Variants in IDO2 observed in about 807,000 individuals in gnomAD.
The protein encoded by IDO2 is indoleamine 2,3-dioxygenase-like 1 protein.
A neutral mutation model predicts 45.1 loss-of-function variants in IDO2; 46 were observed. The observed-to-expected ratio is 1.02, with a 90% CI of 0.80 to 1.30. The LOEUF (loss-of-function observed/expected upper bound fraction) is 1.30, where lower values mean the gene tolerates loss of function less well. Ranked by LOEUF, IDO2 falls within the 50% of genes most tolerant of loss-of-function variation. IDO2 has a pLI of 0.00. For synonymous variants in IDO2, 218 were observed against 184.9 expected (o/e 1.18, Z -1.45); for missense variants, 544 against 491.8 (o/e 1.11, Z -1.00).
chr8:40,003,172 C>T (rs1385872510), intron 8 of IDO2, among the ~76,000 whole-genome samples: 1 of 151,974 alleles, frequency 6.6e-6, no homozygotes, highest in African/African-American at 2.4e-5. Flanking sequence ...GAGTTTGAGA[C>T]GAGCCTGGCC....
chr8:40,005,684 T>TA (rs1802210474), intron 9 of IDO2, among the ~76,000 whole-genome samples: 1 of 152,196 alleles, frequency 6.6e-6, no homozygotes, highest in Non-Finnish European at 1.5e-5. Flanking sequence ...TTCTATCACT[T>TA]ACATCTACTT....
At chr8:39,997,658 C>CAATA (rs1434183718) in intron 8 of IDO2, among the ~76,000 whole-genome samples, 9 of 152,122 alleles carry the variant, frequency 5.9e-5, no homozygotes, top group South Asian at 2.1e-4. Context: ...GACCCTGTCT[C>CAATA]AATAAGTAAA....
chr8:39,952,471 A>G (rs138981779), intron 2 of IDO2, among the ~76,000 whole-genome samples: 1 of 152,210 alleles, frequency 6.6e-6, no homozygotes, highest in Non-Finnish European at 1.5e-5. Flanking sequence ...AATAAAAAAA[A>G]TTCTGGTTTT....
intron 1 of IDO2, among the ~76,000 whole-genome samples, chr8:39,948,740 C>G (rs1279318167): frequency 1.3e-5 from 2 of 152,162 alleles, no homozygotes; most frequent in Non-Finnish European, 2.9e-5. Flanking sequence ...ATAGTTTACT[C>G]CATTTGGCTG....
chr8:39,979,652 C>T (rs1323820686), intron 4 of IDO2, among the ~76,000 whole-genome samples: 3 of 152,204 alleles, frequency 2.0e-5, no homozygotes, highest in Non-Finnish European at 2.9e-5. Flanking sequence ...TGCGTTCAGC[C>T]TGAAGGGCCA....
At chr8:39,996,487 C>G (rs1271997477) in intron 8 of IDO2, among the ~76,000 whole-genome samples, 1 of 152,152 alleles carries the variant, frequency 6.6e-6, no homozygotes, top group Non-Finnish European at 1.5e-5. Flanking sequence ...CTGCCCCTTG[C>G]CTTGTATCTA....
intron 5 of IDO2, 42 bp downstream of exon 5, chr8:39,982,812 C>G: frequency 2.4e-6 from 3 of 1,257,150 alleles, no homozygotes; most frequent in South Asian, 1.4e-5. Context: ...ATAACTTTCC[C>G]CCAGGAAACA....
chr8:39,952,302 A>G (rs1167906421), intron 2 of IDO2, among the ~76,000 whole-genome samples: 1 of 152,204 alleles, frequency 6.6e-6, no homozygotes, highest in Non-Finnish European at 1.5e-5. Flanking sequence ...CAAGCGTCAG[A>G]GTCGGGAGGC....
At position 39,945,665 on chromosome 8, in the gene IDO2, G is replaced by A. The variant is rs117519288; in HGVS notation, c.-17-3484G>A. On this transcript the variant is annotated intron_variant, in intron 1 of 10. Transcript: ENST00000502986. ...CGAGGAGTGTCTGACATTCCATCTAGTAATGAACTAGAACTCAGTTTTCAA... is the reference window on the plus strand; with the variant it reads ...CGAGGAGTGTCTGACATTCCATCTAATAATGAACTAGAACTCAGTTTTCAA... Among the ~76,000 whole-genome samples, 41 of 152,298 alleles carry A rather than the reference G, an allele frequency of 2.7e-4. No homozygotes were observed. The East Asian group carries it at 7.5e-3, about 28-fold the overall frequency.
chr8:39,985,685 G>A, intron 6 of IDO2, 163 bp downstream of exon 6: 1 of 646,776 alleles, frequency 1.5e-6, no homozygotes, highest in Non-Finnish European at 2.6e-6. Context: ...AAAATTCACA[G>A]TCTAAAATTT....
intron 1 of IDO2, among the ~76,000 whole-genome samples, chr8:39,946,385 G>C (rs7008770): frequency 6.6e-6 from 1 of 152,040 alleles, no homozygotes; most frequent in Non-Finnish European, 1.5e-5. Context: ...CAAGGCAGGC[G>C]GATCACAAGG....
intron 3 of IDO2, among the ~76,000 whole-genome samples, chr8:39,967,612 C>T (rs565477509): frequency 4.6e-5 from 7 of 152,152 alleles, no homozygotes; most frequent in South Asian, 4.2e-4. Context: ...CTCAGCTTCC[C>T]GAGTAGCTGG....
At chr8:40,003,368 CAAA>C (rs1172335332) in intron 8 of IDO2, among the ~76,000 whole-genome samples, 6,277 of 118,312 alleles carry the variant, frequency 0.053, 198 homozygotes, top group Middle Eastern at 0.089. Flanking sequence ...GACTCCATCT[CAAA>C]AAAAAAAAAA....
chr8:39,968,296 AC>A (rs1808127291), intron 3 of IDO2, among the ~76,000 whole-genome samples: 1 of 152,180 alleles, frequency 6.6e-6, no homozygotes, highest in Non-Finnish European at 1.5e-5. Flanking sequence ...TTTTCAAATG[AC>A]TTTTTAGAAA....
At chr8:39,954,562 G>C (rs2543082) in intron 2 of IDO2, among the ~76,000 whole-genome samples, 1 of 151,214 alleles carries the variant, frequency 6.6e-6, no homozygotes, top group African/African-American at 2.4e-5. Context: ...CTGATGTCTT[G>C]CTCCTTGGCT....
At position 39,995,864 on chromosome 8, in the gene IDO2, C is replaced by T. The variant is rs185815612; in HGVS notation, c.667+6026C>T. ...CCCGGACAGGGCCACTAGAGGGCTCCTTGGTCTAGCGGTAACGCCCGCGTC... is the reference window on the plus strand; with the variant it reads ...CCCGGACAGGGCCACTAGAGGGCTCTTTGGTCTAGCGGTAACGCCCGCGTC... On this transcript the variant is annotated intron_variant, in intron 8 of 10. Transcript: ENST00000502986. 5.8e-4 allele frequency among the ~76,000 whole-genome samples: 89 copies of T among 152,180 alleles called. 1 individual carries two copies. Among genetic ancestry groups the T allele is most frequent in the Middle Eastern group, 3.4e-3 (1 of 294 alleles).
rs778720089 is a variant in IDO2 at position 39,963,708 on chromosome 8, T to C, written c.195+5T>C. ...CTTCAAGCTCATGTGGACAAGGTAT[T>C]CTTCTCTTCACCCCCTCATCACATT... On this transcript the variant is annotated splice_donor_5th_base_variant and intron_variant, in intron 3 of 10. Coordinates refer to ENST00000502986, the Ensembl canonical transcript of IDO2. 1.9e-6 allele frequency: 3 copies of C among 1,557,524 alleles called. No homozygotes were observed. In the African/African-American group the frequency reaches 4.1e-5, roughly 21 times the overall value.
intron 9 of IDO2, among the ~76,000 whole-genome samples, chr8:40,011,958 C>A (rs1802316629): frequency 1.3e-5 from 2 of 152,202 alleles, no homozygotes; most frequent in Admixed American, 6.5e-5. Flanking sequence ...TGTACCGCAT[C>A]TCTTTTCAGA....
At chr8:39,950,173 TATTATTATTATTA>T (rs1363473921) in intron 2 of IDO2, among the ~76,000 whole-genome samples, 7 of 152,142 alleles carry the variant, frequency 4.6e-5, no homozygotes, top group Admixed American at 2.6e-4. Flanking sequence ...GACTTTTAGT[TATTATTATTATTA>T]ATTATTATTA....
Sources: allele counts gnomAD v4.1 joint callset (sites outside exome capture counted in the v4.1 genomes callset), GRCh38; gene constraint gnomAD v4.1.1; transcripts MANE v1.5; gene names NCBI Gene and HGNC (gene_info 2026-07-23, HGNC 2026-07-21).